Variants in GRID2 observed in about 807,000 individuals in gnomAD.
GRID2 encodes glutamate receptor ionotropic, delta-2.
Under a neutral mutation model 114.8 loss-of-function variants are expected in GRID2, and 33 were observed. That is an observed-to-expected ratio of 0.29 (90% CI 0.22 to 0.38). The LOEUF (loss-of-function observed/expected upper bound fraction) is 0.38, where lower values mean the gene tolerates loss of function less well. GRID2 is among the 10% of genes least tolerant of loss of function. The pLI, the probability that GRID2 is intolerant of heterozygous loss-of-function variation, is 1.00. For synonymous variants in GRID2, 505 were observed against 449.9 expected, an observed-to-expected ratio of 1.12 and a Z score of -1.55; for missense variants, 1,184 against 1,257.7, an observed-to-expected ratio of 0.94 and a Z score of 0.89.
At chr4:92,923,205 A>T (rs1209674277) in intron 2 of GRID2, among the ~76,000 whole-genome samples, 1 of 152,196 alleles carries the variant, frequency 6.6e-6, no homozygotes, top group East Asian at 1.9e-4. Flanking sequence ...TTTTGAAAGG[A>T]TAACTGTCAG....
intron 2 of GRID2, among the ~76,000 whole-genome samples, chr4:92,749,716 G>A (rs1737347051): frequency 6.6e-6 from 1 of 152,132 alleles, no homozygotes; most frequent in Non-Finnish European, 1.5e-5. Flanking sequence ...GAAAACCAGA[G>A]GAGAGAAGAT....
At chr4:92,706,254 T>C (rs542705225) in intron 2 of GRID2, among the ~76,000 whole-genome samples, 9 of 152,290 alleles carry the variant, frequency 5.9e-5, no homozygotes, top group South Asian at 2.1e-4. Context: ...AGATTTCTTA[T>C]TGGCTATAGT....
At chr4:92,365,595 G>T (rs866347310) in intron 1 of GRID2, among the ~76,000 whole-genome samples, 6 of 151,900 alleles carry the variant, frequency 3.9e-5, no homozygotes, top group South Asian at 2.1e-4. Context: ...CACAACAATA[G>T]AATCAATAAT....
chr4:93,077,867 T>C (rs1280298197), intron 2 of GRID2, among the ~76,000 whole-genome samples: 2 of 152,200 alleles, frequency 1.3e-5, no homozygotes, highest in Non-Finnish European at 2.9e-5. Flanking sequence ...CTTAAAAGAC[T>C]GACAATTTCA....
intron 1 of GRID2, among the ~76,000 whole-genome samples, chr4:93,779,607 T>C (rs993408782): frequency 1.3e-5 from 2 of 152,162 alleles, no homozygotes; most frequent in Non-Finnish European, 2.9e-5. Flanking sequence ...GACATGAATA[T>C]AAATTACACC....
At chr4:93,204,404 AGAT>A (rs1195621661) in intron 4 of GRID2, among the ~76,000 whole-genome samples, 1 of 152,190 alleles carries the variant, frequency 6.6e-6, no homozygotes, top group Non-Finnish European at 1.5e-5. Flanking sequence ...ACATGAAGAT[AGAT>A]GATTTATTTA....
chr4:93,696,160 T>TG (rs1207235361), intron 14 of GRID2, among the ~76,000 whole-genome samples: 5 of 152,234 alleles, frequency 3.3e-5, no homozygotes, highest in Admixed American at 1.3e-4. Flanking sequence ...ATCTATATAC[T>TG]GACCATGTTC....
intron 10 of GRID2, among the ~76,000 whole-genome samples, chr4:93,450,933 T>C (rs759219262): frequency 1.3e-5 from 2 of 151,980 alleles, no homozygotes; most frequent in Non-Finnish European, 2.9e-5. Flanking sequence ...TTATTCAGGA[T>C]ATTAATCTTT....
intron 2 of GRID2, among the ~76,000 whole-genome samples, chr4:92,907,475 G>C (rs980361082): frequency 6.6e-6 from 1 of 151,958 alleles, no homozygotes; most frequent in Non-Finnish European, 1.5e-5. Flanking sequence ...GCAATGGCGC[G>C]ATCTTGGCTC....
chr4:93,538,034 T>A (rs987990000), intron 13 of GRID2, among the ~76,000 whole-genome samples: 5 of 151,786 alleles, frequency 3.3e-5, no homozygotes, highest in African/African-American at 1.2e-4. Context: ...ACATAAAAAA[T>A]TTCAGGAATT....
chr4:92,712,065 C>T (rs949557682), intron 2 of GRID2, among the ~76,000 whole-genome samples: 3 of 152,012 alleles, frequency 2.0e-5, no homozygotes, highest in African/African-American at 4.8e-5. Flanking sequence ...GTGATCATGA[C>T]GGCCGTATTA....
chr4:93,345,141 T>C (rs1207207163), intron 8 of GRID2, among the ~76,000 whole-genome samples: 1 of 152,062 alleles, frequency 6.6e-6, no homozygotes, highest in Non-Finnish European at 1.5e-5. Context: ...CTCTTTAACA[T>C]ACTGATTTTA....
chr4:92,427,099 T>C (rs1367402206), intron 1 of GRID2, among the ~76,000 whole-genome samples: 1 of 152,172 alleles, frequency 6.6e-6, no homozygotes, highest in East Asian at 1.9e-4. Flanking sequence ...GTTTGTTCTA[T>C]TTTTGGCTTA....
chr4:93,490,055 G>A lies in GRID2; in HGVS notation c.1859-584G>A, dbSNP rs548730568. 3.9e-5 allele frequency among the ~76,000 whole-genome samples: 6 copies of A among 151,950 alleles called. No individual in the cohort carries two copies. In the East Asian group the frequency reaches 9.8e-4, roughly 25 times the overall value. On this transcript the variant is annotated intron_variant, in intron 11 of 15. Transcript: ENST00000282020. ...AGAAGAGAAGCAGTCTAAGGACTGA[G>A]CCCAAGAACACTCCAACATTTAAAA...
chr4:92,962,587 G>A (rs749843793), intron 2 of GRID2, among the ~76,000 whole-genome samples: 11 of 151,938 alleles, frequency 7.2e-5, no homozygotes, highest in Non-Finnish European at 1.0e-4. Context: ...TTTCCCCAGG[G>A]ACAGACATTG....
intron 14 of GRID2, among the ~76,000 whole-genome samples, chr4:93,726,152 A>G: frequency 6.6e-6 from 1 of 152,118 alleles, no homozygotes; most frequent in East Asian, 1.9e-4. Flanking sequence ...AACCTGAATT[A>G]ATTTTTGTAT....
chr4:92,865,167 A>G (rs1000454219), intron 2 of GRID2, among the ~76,000 whole-genome samples: 2 of 152,156 alleles, frequency 1.3e-5, no homozygotes, highest in South Asian at 2.1e-4. Flanking sequence ...AATTATTTCT[A>G]CAGAACCCTA....
intron 2 of GRID2, among the ~76,000 whole-genome samples, chr4:92,858,007 A>G (rs866126739): frequency 4.5e-4 from 68 of 152,270 alleles, no homozygotes; most frequent in African/African-American, 1.6e-3. Context: ...TGACAGCACA[A>G]CTGTTTATAG....
chr4:93,396,675 G>C (rs1364548202), intron 9 of GRID2, among the ~76,000 whole-genome samples: 1 of 151,970 alleles, frequency 6.6e-6, no homozygotes, highest in Non-Finnish European at 1.5e-5. Context: ...GGAAAGATCT[G>C]TTACAATTTC....
Sources: gnomAD v4.1 joint callset for allele counts (sites outside exome capture counted in the v4.1 genomes callset) on GRCh38, gnomAD v4.1.1 for gene constraint, MANE v1.5 for transcripts, NCBI Gene and HGNC (gene_info 2026-07-23, HGNC 2026-07-21) for gene names.